Variants in ACVR1 observed in about 807,000 individuals in gnomAD.
ACVR1 encodes the protein activin receptor type-1.
A neutral mutation model predicts 57.1 loss-of-function variants in ACVR1; 38 were observed. The observed-to-expected ratio is 0.67, with a 90% confidence interval of 0.51 to 0.87. The LOEUF is 0.87. Among genes scored for constraint, ACVR1 ranks in the 40% least tolerant of loss-of-function variants. The pLI, the probability that ACVR1 is intolerant of heterozygous loss-of-function variation, is 0.00. For synonymous variants in ACVR1, 212 were observed against 228.1 expected, an observed-to-expected ratio of 0.93 and a Z score of 0.63; for missense variants, 463 against 638.2, an observed-to-expected ratio of 0.73 and a Z score of 2.96.
intron 1 of ACVR1, among the ~76,000 whole-genome samples, chr2:157,864,552 T>C (rs1689848164): frequency 1.3e-5 from 2 of 152,176 alleles, no homozygotes; most frequent in Admixed American, 1.3e-4. Flanking sequence ...TTAAATTTTG[T>C]TTACTTGGGT....
chr2:157,792,800 G>A (rs1186232292), intron 3 of ACVR1, among the ~76,000 whole-genome samples: 5 of 152,212 alleles, frequency 3.3e-5, no homozygotes, highest in African/African-American at 9.6e-5. Context: ...TCAGATGTGT[G>A]TGGGCACTAT....
chr2:157,872,068 T>G (rs979386060), intron 1 of ACVR1, among the ~76,000 whole-genome samples: 9 of 152,232 alleles, frequency 5.9e-5, no homozygotes, highest in African/African-American at 2.2e-4. Flanking sequence ...TCCATTTGGT[T>G]CTTCTGAGAG....
chr2:157,751,055 G>A (rs1156966550), intron 9 of ACVR1, among the ~76,000 whole-genome samples: 1 of 152,166 alleles, frequency 6.6e-6, no homozygotes, highest in African/African-American at 2.4e-5. Context: ...AAAGCTGAAA[G>A]AATCAACGGA....
At chr2:157,806,674 G>A (rs984873342) in intron 2 of ACVR1, 1 of 152,224 alleles carries the variant, frequency 6.6e-6, no homozygotes, top group South Asian at 2.1e-4. Flanking sequence ...TTTGGGAGGA[G>A]TGAAATGAGA....
chr2:157,804,059 T>C lies in ACVR1; in HGVS notation c.-7-4559A>G, dbSNP rs192807853. Among the ~76,000 whole-genome samples the C allele has an allele frequency of 1.4e-3, 206 of 152,330 alleles. 1 individual carries two copies. The highest frequency in any genetic ancestry group is 4.7e-3 in the African/African-American group (195 of 41,580). On this transcript the variant is annotated intron_variant, in intron 2 of 10. Transcript: ENST00000434821. Reference sequence around the variant, plus strand: ...GATCTACATTCATTCTGTTACAACATGTACTGGCTGAACTATATATAGAAA... The same window carrying C: ...GATCTACATTCATTCTGTTACAACACGTACTGGCTGAACTATATATAGAAA...
intron 1 of ACVR1, among the ~76,000 whole-genome samples, chr2:157,847,200 CG>C (rs1221661397): frequency 1.3e-5 from 2 of 152,084 alleles, no homozygotes; most frequent in African/African-American, 4.8e-5. Context: ...ACAAATTTAA[CG>C]AAACAATTAT....
chr2:157,775,924 A>T (rs1308548035), intron 5 of ACVR1, among the ~76,000 whole-genome samples: 1 of 152,106 alleles, frequency 6.6e-6, no homozygotes, highest in Non-Finnish European at 1.5e-5. Flanking sequence ...GAGTTTCACT[A>T]TATTGCCCAG....
intron 2 of ACVR1, among the ~76,000 whole-genome samples, chr2:157,804,852 C>T (rs1574085723): frequency 6.6e-6 from 1 of 152,194 alleles, no homozygotes; most frequent in African/African-American, 2.4e-5. Flanking sequence ...TCCCATGTTA[C>T]TTTTCAAATT....
Position 157,853,328 on chromosome 2 carries a change from CAG to C in ACVR1, c.-183+22466_-183+22467del, listed in dbSNP as rs577238793. ...TAGTGAGGGTCCTCTTCCTGGCTAACAGGGGCAGCCTTCTTGCTGTGTCCTCA... is the reference window on the plus strand; with the variant it reads ...TAGTGAGGGTCCTCTTCCTGGCTAACGGGCAGCCTTCTTGCTGTGTCCTCA... On this transcript the variant is annotated intron_variant, in intron 1 of 10. Coordinates refer to ENST00000434821, the MANE Select transcript of ACVR1 (RefSeq NM_001111067.4). 1.9e-3 allele frequency among the ~76,000 whole-genome samples: 290 copies of C among 152,306 alleles called. 1 individual carries two copies. The highest frequency in any genetic ancestry group is 2.8e-3 in the Non-Finnish European group (192 of 68,030).
intron 1 of ACVR1, among the ~76,000 whole-genome samples, chr2:157,852,084 G>A (rs952958158): frequency 3.3e-5 from 5 of 151,902 alleles, no homozygotes; most frequent in Non-Finnish European, 7.4e-5. Flanking sequence ...GCTTATGAGA[G>A]GTATAGGCAT....
intron 7 of ACVR1, 62 bp downstream of exon 7, chr2:157,770,306 G>A: frequency 6.3e-7 from 1 of 1,587,022 alleles, no homozygotes; most frequent in Non-Finnish European, 8.6e-7. Context: ...AACGGAGAGA[G>A]CAAAGGCAGA....
At chr2:157,846,093 C>T (rs1689119708) in intron 1 of ACVR1, among the ~76,000 whole-genome samples, 2 of 151,320 alleles carry the variant, frequency 1.3e-5, no homozygotes, top group South Asian at 2.1e-4. Context: ...TGAGATGAGG[C>T]GATTATCCTG....
intron 1 of ACVR1, among the ~76,000 whole-genome samples, chr2:157,841,715 C>T (rs1559088963): frequency 6.6e-6 from 1 of 151,674 alleles, no homozygotes; most frequent in African/African-American, 2.4e-5. Context: ...ATGGCAAGAC[C>T]CCATCTCTTT....
At chr2:157,737,803 C>G in intron 10 of ACVR1, 138 bp from the exon 11 acceptor site, 1 of 1,174,188 alleles carries the variant, frequency 8.5e-7, no homozygotes, top group Non-Finnish European at 1.3e-6. Context: ...TCATCTTCTT[C>G]AAGCAAATAT....
rs1185280981 is a variant in ACVR1 at position 157,855,269 on chromosome 2, AGTG to A, written c.-183+20524_-183+20526del. On this transcript the variant is annotated intron_variant, in intron 1 of 10. Transcript: ENST00000434821. Reference sequence around the variant, plus strand: ...TCGTCTCTTAAAAAAAAAAAAAAAAAGTGTGTGTGTGTGTGTGTGTGTGTGTGT... The same window carrying A: ...TCGTCTCTTAAAAAAAAAAAAAAAAATGTGTGTGTGTGTGTGTGTGTGTGT... 1.6e-3 allele frequency among the ~76,000 whole-genome samples: 133 copies of A among 85,168 alleles called. 1 individual carries two copies. Among genetic ancestry groups the A allele is most frequent in the African/African-American group, 6.6e-3 (118 of 17,906 alleles). 55.9% of individuals were successfully genotyped at this position (85,168 alleles called of 152,430 possible). A position where few individuals can be genotyped will look rare whatever the true frequency, so the allele number is the denominator to read the frequency against.
intron 3 of ACVR1, among the ~76,000 whole-genome samples, chr2:157,796,700 T>TA (rs34575127): frequency 0.033 from 4,572 of 137,404 alleles, 87 homozygotes; most frequent in Middle Eastern, 0.068. Context: ...TTAAAAGAGG[T>TA]AAAAAAAAAA....
intron 1 of ACVR1, among the ~76,000 whole-genome samples, chr2:157,866,804 A>C (rs527729170): frequency 6.6e-6 from 1 of 152,304 alleles, no homozygotes; most frequent in East Asian, 1.9e-4. Flanking sequence ...TTTATTTGCA[A>C]GATATGGCAC....
intron 1 of ACVR1, among the ~76,000 whole-genome samples, chr2:157,827,787 T>C (rs992284214): frequency 2.0e-5 from 3 of 152,034 alleles, no homozygotes; most frequent in African/African-American, 7.2e-5. Context: ...TCGATGGAGG[T>C]AACACTGAAC....
intron 2 of ACVR1, among the ~76,000 whole-genome samples, chr2:157,808,828 C>T (rs931363986): frequency 1.9e-4 from 29 of 150,040 alleles, no homozygotes; most frequent in East Asian, 3.9e-4. Context: ...AAAATAGATC[C>T]GGCTGATGGA....
Sources: allele counts gnomAD v4.1 joint callset (sites outside exome capture counted in the v4.1 genomes callset), GRCh38; gene constraint gnomAD v4.1.1; transcripts MANE v1.5; gene names NCBI Gene and HGNC (gene_info 2026-07-23, HGNC 2026-07-21).